PRKG1: variants seen among roughly 807,000 people sequenced by gnomAD.
PRKG1 encodes protein kinase cGMP-dependent 1.
A neutral mutation model predicts 88.1 loss-of-function variants in PRKG1; 35 were observed. That is an observed-to-expected ratio of 0.40 (90% CI 0.30 to 0.53). PRKG1 has a LOEUF of 0.53. PRKG1 is among the 20% of genes least tolerant of loss of function. The probability of loss-of-function intolerance (pLI) is 0.59; values close to 1 mark genes in which losing one functional copy is unlikely to be tolerated. For synonymous variants in PRKG1, 303 were observed against 292.5 expected, an observed-to-expected ratio of 1.04 and a Z score of -0.37; for missense variants, 540 against 839.8, an observed-to-expected ratio of 0.64 and a Z score of 4.41.
intron 4 of PRKG1, among the ~76,000 whole-genome samples, chr10:51,805,250 A>G (rs1306117205): frequency 6.6e-6 from 1 of 151,998 alleles, no homozygotes; most frequent in Non-Finnish European, 1.5e-5. Flanking sequence ...TTGAAATATC[A>G]AAAGCTTTTC....
intron 3 of PRKG1, among the ~76,000 whole-genome samples, chr10:51,667,266 A>G (rs751680571): frequency 7.2e-5 from 11 of 152,216 alleles, no homozygotes; most frequent in Non-Finnish European, 1.3e-4. Flanking sequence ...TTTCTTGTGA[A>G]TATCTATGAA....
intron 2 of PRKG1, among the ~76,000 whole-genome samples, chr10:51,158,144 A>G (rs1846261607): frequency 6.6e-6 from 1 of 151,912 alleles, no homozygotes; most frequent in South Asian, 2.1e-4. Flanking sequence ...GTTAATGATA[A>G]TAACTTTTGT....
intron 9 of PRKG1, among the ~76,000 whole-genome samples, chr10:52,162,631 A>T (rs546300709): frequency 6.6e-6 from 1 of 152,278 alleles, no homozygotes; most frequent in Admixed American, 6.5e-5. Flanking sequence ...AATTGACAAC[A>T]GTTAGCATTA....
At chr10:52,101,718 G>C (rs1210757848) in intron 7 of PRKG1, among the ~76,000 whole-genome samples, 1 of 152,182 alleles carries the variant, frequency 6.6e-6, no homozygotes, top group Non-Finnish European at 1.5e-5. Flanking sequence ...CCTTGGCCAA[G>C]GCGACCTAGC....
intron 5 of PRKG1, among the ~76,000 whole-genome samples, chr10:52,034,284 G>A (rs1845548415): frequency 7.1e-6 from 1 of 141,652 alleles, no homozygotes; most frequent in Non-Finnish European, 1.5e-5. Context: ...ATTTTTGGGT[G>A]GTGGTATGGA....
chr10:52,155,714 G>C (rs1221446917), intron 8 of PRKG1, among the ~76,000 whole-genome samples: 1 of 73,622 alleles, frequency 1.4e-5, no homozygotes, highest in African/African-American at 3.6e-5. Context: ...CTTTCAATTT[G>C]TTAACCTATT....
chr10:51,289,578 A>G (rs1042545206), intron 2 of PRKG1, among the ~76,000 whole-genome samples: 2 of 152,078 alleles, frequency 1.3e-5, no homozygotes, highest in African/African-American at 4.8e-5. Flanking sequence ...TTAACCCTGT[A>G]GGCAGCAGAG....
chr10:51,229,041 C>G (rs1221263348), intron 2 of PRKG1, among the ~76,000 whole-genome samples: 1 of 152,178 alleles, frequency 6.6e-6, no homozygotes, highest in African/African-American at 2.4e-5. Context: ...GATTTCAACT[C>G]AATTAGCATT....
At chr10:51,661,523 A>T (rs1840299535) in intron 3 of PRKG1, among the ~76,000 whole-genome samples, 2 of 152,180 alleles carry the variant, frequency 1.3e-5, no homozygotes, top group Admixed American at 1.3e-4. Flanking sequence ...TCAAAACCAC[A>T]ATGAGATACC....
chr10:51,961,467 G>A (rs1843446856), intron 5 of PRKG1, among the ~76,000 whole-genome samples: 1 of 152,180 alleles, frequency 6.6e-6, no homozygotes, highest in East Asian at 1.9e-4. Flanking sequence ...GTAAGGTGTG[G>A]TATATATGGT....
chr10:51,651,914 A>T (rs1037239836), intron 3 of PRKG1, among the ~76,000 whole-genome samples: 6 of 152,144 alleles, frequency 3.9e-5, no homozygotes, highest in Non-Finnish European at 7.4e-5. Context: ...TATTTGAATG[A>T]TAGCATCATT....
chr10:51,590,325 A>G (rs1003925719), intron 3 of PRKG1, among the ~76,000 whole-genome samples: 1 of 152,116 alleles, frequency 6.6e-6, no homozygotes, highest in African/African-American at 2.4e-5. Context: ...GCCCCCCACA[A>G]TCATTTTCAC....
chr10:51,069,289 T>A (rs191320903), intron 1 of PRKG1, among the ~76,000 whole-genome samples: 3 of 152,164 alleles, frequency 2.0e-5, no homozygotes, highest in East Asian at 3.9e-4. Context: ...TGAAATAGTA[T>A]AACTTGAAAA....
At chr10:51,210,849 G>A (rs1050062902) in intron 2 of PRKG1, among the ~76,000 whole-genome samples, 18 of 152,114 alleles carry the variant, frequency 1.2e-4, no homozygotes, top group Non-Finnish European at 2.1e-4. Context: ...AAAAGTCCAG[G>A]ACCAGATGGA....
At chr10:51,471,574 A>G (rs903717389) in intron 3 of PRKG1, among the ~76,000 whole-genome samples, 7 of 151,916 alleles carry the variant, frequency 4.6e-5, no homozygotes, top group African/African-American at 1.7e-4. Flanking sequence ...TCTGTGCCCA[A>G]AGTTCTTCAA....
At chr10:51,357,459 AC>A (rs1588877863) in intron 2 of PRKG1, among the ~76,000 whole-genome samples, 1 of 151,860 alleles carries the variant, frequency 6.6e-6, no homozygotes, top group East Asian at 1.9e-4. Context: ...GAGGCTGCAC[AC>A]CCTTCTCTGA....
At chr10:52,076,190 A>G (rs1228701290) in intron 7 of PRKG1, among the ~76,000 whole-genome samples, 30 of 152,326 alleles carry the variant, frequency 2.0e-4, no homozygotes, top group Non-Finnish European at 5.9e-5. Context: ...TACAATCTTC[A>G]GGAAAAAATA....
chr10:51,532,624 A>T (rs1490632125), intron 3 of PRKG1, among the ~76,000 whole-genome samples: 1 of 152,186 alleles, frequency 6.6e-6, no homozygotes, highest in Non-Finnish European at 1.5e-5. Flanking sequence ...TTACTGACAA[A>T]CAGCTCTTGA....
At chr10:52,047,909 C>A (rs1263409116) in intron 5 of PRKG1, among the ~76,000 whole-genome samples, 1 of 152,088 alleles carries the variant, frequency 6.6e-6, no homozygotes, top group Non-Finnish European at 1.5e-5. Flanking sequence ...GACCCAAGAT[C>A]ATATTGATTA....
Sources: allele counts gnomAD v4.1 joint callset (sites outside exome capture counted in the v4.1 genomes callset), GRCh38; gene constraint gnomAD v4.1.1; transcripts MANE v1.5; gene names NCBI Gene and HGNC (gene_info 2026-07-23, HGNC 2026-07-21).